The following PUM1 variants were observed in gnomAD, a reference collection of about 807,000 sequenced individuals.
PUM1 encodes the protein pumilio homolog 1.
A neutral mutation model predicts 131.8 loss-of-function variants in PUM1; 13 were observed. The observed-to-expected ratio is 0.10, with a 90% CI of 0.06 to 0.16. The LOEUF (loss-of-function observed/expected upper bound fraction) is 0.16. Ranked by LOEUF, PUM1 falls within the 10% of genes least tolerant of loss-of-function variation. The pLI is 1.00. For synonymous variants in PUM1, 509 were observed against 556.5 expected, an observed-to-expected ratio of 0.91 and a Z score of 1.20; for missense variants, 961 against 1,512.4, an observed-to-expected ratio of 0.64 and a Z score of 6.05.
rs114407881 is a variant in PUM1 at position 30,934,665 on chromosome 1, A to G, written c.3436-1323T>C. Among the ~76,000 whole-genome samples, 974 of 152,290 alleles carry G rather than the reference A, an allele frequency of 6.4e-3. 6 individuals carry two copies. Among genetic ancestry groups the G allele is most frequent in the African/African-American group, 0.023 (951 of 41,548 alleles). ...TTTCAGTTGTAATACTATGTTACTA[A>G]TGTTTCTGTCATGAGAACTTGAGGT... On this transcript the variant is annotated intron_variant, in intron 21 of 21. Coordinates refer to ENST00000426105, the MANE Select transcript of PUM1 (RefSeq NM_001020658.2).
At chr1:30,939,476 T>G (rs930393098) in intron 20 of PUM1, among the ~76,000 whole-genome samples, 2 of 152,226 alleles carry the variant, frequency 1.3e-5, no homozygotes, top group African/African-American at 4.8e-5. Context: ...CAGCTTTAGC[T>G]GCCCAGCATG....
At chr1:30,937,268 C>T (rs1488359640) in intron 20 of PUM1, among the ~76,000 whole-genome samples, 1 of 152,222 alleles carries the variant, frequency 6.6e-6, no homozygotes. Context: ...ATTATTTTAA[C>T]ACTTACCAAA....
At chr1:31,026,989 TA>T (rs944101135) in intron 3 of PUM1, among the ~76,000 whole-genome samples, 2 of 143,550 alleles carry the variant, frequency 1.4e-5, no homozygotes, top group African/African-American at 5.1e-5. Context: ...AAAAAAATGA[TA>T]AAAAAAGAAT....
chr1:30,986,352 T>C (rs1175330457), intron 7 of PUM1, among the ~76,000 whole-genome samples: 1 of 152,178 alleles, frequency 6.6e-6, no homozygotes, highest in Non-Finnish European at 1.5e-5. Flanking sequence ...ACTATATCAA[T>C]GATGGGATTC....
chr1:30,967,443 C>A, intron 11 of PUM1, 133 bp from the exon 12 acceptor site: 1 of 753,912 alleles, frequency 1.3e-6, no homozygotes, highest in Non-Finnish European at 2.1e-6. Context: ...GGCTCCATCA[C>A]TTAAATAGTT....
chr1:31,047,462 G>T (rs942630460), intron 2 of PUM1, among the ~76,000 whole-genome samples: 2 of 152,194 alleles, frequency 1.3e-5, no homozygotes, highest in Non-Finnish European at 2.9e-5. Flanking sequence ...CCTTTCACAA[G>T]AGTGAATAAC....
Position 30,986,416 on chromosome 1 carries a change from T to G in PUM1, c.1159-5011A>C, listed in dbSNP as rs1444967853. Among the ~76,000 whole-genome samples, 10 of 152,228 alleles carry G rather than the reference T, an allele frequency of 6.6e-5. No homozygotes were observed. In the East Asian group the frequency reaches 1.7e-3, roughly 26 times the overall value. The stretch of plus-strand genomic sequence containing the variant: ...GAGTCATTCCTCAGCATATGAAATT[T>G]GTGAAATCTTGTTACTGCTTGAAGC... On this transcript the variant is annotated intron_variant, in intron 7 of 21. Coordinates refer to ENST00000426105, the MANE Select transcript of PUM1 (RefSeq NM_001020658.2).
chr1:31,054,894 G>T (rs1409012516), intron 2 of PUM1, among the ~76,000 whole-genome samples: 2 of 152,188 alleles, frequency 1.3e-5, no homozygotes, highest in East Asian at 3.9e-4. Flanking sequence ...TAGGGAAGCA[G>T]AAACAGATCT....
intron 4 of PUM1, among the ~76,000 whole-genome samples, 155 bp downstream of exon 4, chr1:31,006,839 C>A (rs533417986): frequency 6.6e-6 from 1 of 152,290 alleles, no homozygotes; most frequent in African/African-American, 2.4e-5. Context: ...TAATAAATTA[C>A]ATCATATAAG....
At chr1:30,941,036 A>C in intron 20 of PUM1, 115 bp downstream of exon 20, 2 of 1,256,972 alleles carry the variant, frequency 1.6e-6, no homozygotes, top group Non-Finnish European at 2.2e-6. Context: ...CTTTTAAGCT[A>C]TATATACTTT....
intron 10 of PUM1, among the ~76,000 whole-genome samples, chr1:30,968,860 C>A (rs1640738846): frequency 6.6e-6 from 1 of 152,164 alleles, no homozygotes; most frequent in South Asian, 2.1e-4. Flanking sequence ...TTAATGCCTA[C>A]CATGTGGCAA....
intron 19 of PUM1, 140 bp downstream of exon 19, chr1:30,941,858 G>T: frequency 1.0e-6 from 1 of 983,638 alleles, no homozygotes; most frequent in Non-Finnish European, 1.5e-6. Flanking sequence ...AAGCTGCTCT[G>T]AATACAAATA....
At chr1:30,998,405 C>T (rs956478032) in intron 5 of PUM1, among the ~76,000 whole-genome samples, 2 of 151,884 alleles carry the variant, frequency 1.3e-5, no homozygotes, top group African/African-American at 2.4e-5. Flanking sequence ...GAGGCAGAAG[C>T]GGAAGGATCT....
intron 2 of PUM1, among the ~76,000 whole-genome samples, chr1:31,040,394 A>G (rs1243366019): frequency 6.6e-6 from 1 of 152,242 alleles, no homozygotes; most frequent in Admixed American, 6.5e-5. Flanking sequence ...TACATTTATC[A>G]GAGATGAAGA....
At chr1:31,011,428 A>C (rs1642615778) in intron 3 of PUM1, among the ~76,000 whole-genome samples, 1 of 152,222 alleles carries the variant, frequency 6.6e-6, no homozygotes. Flanking sequence ...CGGCAAAATC[A>C]AATCAATTTA....
Position 30,999,985 on chromosome 1 carries a change from T to A in PUM1, c.721-4765A>T, listed in dbSNP as rs560959416. ...ATTGTCATTTGCACAAAGCAGTGGT[T>A]CTATGATTAGGGTTAGGCATCGCAA... On this transcript the variant is annotated intron_variant, in intron 5 of 21. Coordinates refer to ENST00000426105, the MANE Select transcript of PUM1 (RefSeq NM_001020658.2). Among the ~76,000 whole-genome samples the A allele has an allele frequency of 5.3e-5, 8 of 152,320 alleles. No homozygotes were observed. The East Asian group carries it at 1.5e-3, about 29-fold the overall frequency.
chr1:30,995,633 GA>G lies in PUM1; in HGVS notation c.721-414del, dbSNP rs529839956. The stretch of plus-strand genomic sequence containing the variant: ...CCCAGGTATGACAGCTAATAGCATA[GA>G]AAAAAAAAATTATTAAGCCTGTAAA... On this transcript the variant is annotated intron_variant, in intron 5 of 21. Coordinates refer to ENST00000426105, the MANE Select transcript of PUM1 (RefSeq NM_001020658.2). Among the ~76,000 whole-genome samples, 22 of 149,118 alleles carry G rather than the reference GA, an allele frequency of 1.5e-4. No individual in the cohort carries two copies. In the East Asian group the frequency reaches 1.6e-3, roughly 11 times the overall value.
At chr1:31,056,480 A>C (rs1458422961) in intron 2 of PUM1, among the ~76,000 whole-genome samples, 1 of 151,606 alleles carries the variant, frequency 6.6e-6, no homozygotes, top group Non-Finnish European at 1.5e-5. Flanking sequence ...ACGGGGTTTC[A>C]CCATGTTGGC....
intron 3 of PUM1, 87 bp downstream of exon 3, chr1:31,028,708 GA>G: frequency 9.4e-7 from 1 of 1,066,786 alleles, no homozygotes; most frequent in Non-Finnish European, 1.5e-6. Flanking sequence ...CATATTTCTG[GA>G]GACTAGATTT....
Sources: gnomAD v4.1 joint callset for allele counts (sites outside exome capture counted in the v4.1 genomes callset) on GRCh38, gnomAD v4.1.1 for gene constraint, MANE v1.5 for transcripts, NCBI Gene and HGNC (gene_info 2026-07-23, HGNC 2026-07-21) for gene names.